BRDT: variants seen among roughly 807,000 people sequenced by gnomAD.
BRDT encodes the protein bromodomain testis associated, also known as bromodomain testis-specific protein.
Under a neutral mutation model 113.9 loss-of-function variants are expected in BRDT, and 77 were observed. That is an observed-to-expected ratio of 0.68 (90% confidence interval 0.56 to 0.82). The LOEUF (loss-of-function observed/expected upper bound fraction) is 0.82. BRDT is among the 40% of genes least tolerant of loss of function. The pLI, the probability that BRDT is intolerant of heterozygous loss-of-function variation, is 0.00. For synonymous variants in BRDT, 358 were observed against 366.5 expected, an observed-to-expected ratio of 0.98 and a Z score of 0.26; for missense variants, 1,027 against 1,105.4, an observed-to-expected ratio of 0.93 and a Z score of 1.01.
chr1:91,970,918 A>G (rs1190158876), intron 4 of BRDT, among the ~76,000 whole-genome samples: 1 of 151,868 alleles, frequency 6.6e-6, no homozygotes, highest in Non-Finnish European at 1.5e-5. Flanking sequence ...CTCAAAAAAA[A>G]AAAAAAAAAA....
intron 6 of BRDT, 86 bp downstream of exon 6, chr1:91,977,479 A>G: frequency 8.7e-7 from 1 of 1,152,914 alleles, no homozygotes; most frequent in African/African-American, 1.6e-5. Flanking sequence ...AATCTAGAAA[A>G]AGATGAAGGA....
intron 12 of BRDT, among the ~76,000 whole-genome samples, chr1:91,985,396 T>C (rs997302427): frequency 9.9e-5 from 15 of 151,902 alleles, no homozygotes; most frequent in African/African-American, 3.6e-4. Flanking sequence ...GGTTTCATCA[T>C]GATGGCTAGG....
At chr1:92,009,460 G>A (rs1570658507) in intron 18 of BRDT, among the ~76,000 whole-genome samples, 1 of 151,418 alleles carries the variant, frequency 6.6e-6, no homozygotes, top group African/African-American at 2.4e-5. Context: ...CTTACCTATT[G>A]AAGGACATCT....
intron 18 of BRDT, 112 bp downstream of exon 18, chr1:92,005,411 C>A: frequency 1.0e-6 from 1 of 987,120 alleles, no homozygotes; most frequent in Non-Finnish European, 1.4e-6. Context: ...TGACAGTGGA[C>A]TTACCTCTTT....
intron 16 of BRDT, among the ~76,000 whole-genome samples, chr1:92,002,471 C>T (rs1430811863): frequency 1.3e-5 from 2 of 152,132 alleles, no homozygotes; most frequent in Non-Finnish European, 2.9e-5. Context: ...TCAAGCGATT[C>T]TCATGCCTCA....
chr1:91,955,797 CAG>C (rs1336568826), intron 1 of BRDT, among the ~76,000 whole-genome samples: 5 of 111,886 alleles, frequency 4.5e-5, no homozygotes, highest in East Asian at 2.9e-4. Flanking sequence ...CCAAGAAATG[CAG>C]AGAGTTCACC....
intron 4 of BRDT, among the ~76,000 whole-genome samples, chr1:91,969,695 T>C (rs1040150092): frequency 6.6e-6 from 1 of 152,118 alleles, no homozygotes; most frequent in Admixed American, 6.6e-5. Context: ...AAGGTAAAAA[T>C]TATTGATCTT....
chr1:91,972,096 T>C (rs1179020168), intron 4 of BRDT, among the ~76,000 whole-genome samples: 1 of 152,106 alleles, frequency 6.6e-6, no homozygotes, highest in Non-Finnish European at 1.5e-5. Context: ...CAAAAACCTT[T>C]TGTCAGTCAG....
intron 18 of BRDT, among the ~76,000 whole-genome samples, chr1:92,008,828 G>A (rs979106646): frequency 2.0e-4 from 31 of 151,978 alleles, no homozygotes; most frequent in African/African-American, 7.0e-4. Context: ...TCTTTCTATG[G>A]CTTGATAGCT....
At chr1:91,982,234 A>C (rs995233240) in intron 12 of BRDT, among the ~76,000 whole-genome samples, 3 of 151,498 alleles carry the variant, frequency 2.0e-5, no homozygotes, top group Admixed American at 2.0e-4. Context: ...TGTGAATCAG[A>C]TTTTTTTTTC....
intron 1 of BRDT, chr1:91,950,563 C>T (rs1467855372): frequency 6.6e-6 from 1 of 151,554 alleles, no homozygotes; most frequent in Non-Finnish European, 1.5e-5. Flanking sequence ...GATAACTCGT[C>T]TTGATCTTGA....
At chr1:91,952,365 C>G (rs1327350498) in intron 1 of BRDT, 1 of 152,224 alleles carries the variant, frequency 6.6e-6, no homozygotes, top group Admixed American at 6.6e-5. Flanking sequence ...GCCACAGGAT[C>G]ATGCTGAAGG....
chr1:91,960,330 G>T (rs1010466253), intron 1 of BRDT, among the ~76,000 whole-genome samples: 1 of 152,170 alleles, frequency 6.6e-6, no homozygotes, highest in African/African-American at 2.4e-5. Context: ...TAAAGAAAAT[G>T]ATAGACATAC....
intron 15 of BRDT, among the ~76,000 whole-genome samples, chr1:91,996,251 A>T (rs932695658): frequency 2.0e-5 from 3 of 151,954 alleles, no homozygotes; most frequent in African/African-American, 7.3e-5. Flanking sequence ...ATTTTATTTT[A>T]TTTATTTATT....
intron 4 of BRDT, among the ~76,000 whole-genome samples, chr1:91,970,855 G>A (rs1683555095): frequency 6.8e-6 from 1 of 146,712 alleles, no homozygotes; most frequent in Non-Finnish European, 1.5e-5. Flanking sequence ...GGTGCAGTGA[G>A]CCATGATCAC....
chr1:91,996,041 T>C (rs1686298371), intron 15 of BRDT, among the ~76,000 whole-genome samples: 1 of 152,142 alleles, frequency 6.6e-6, no homozygotes, highest in African/African-American at 2.4e-5. Flanking sequence ...ATATCCAAAG[T>C]ATGAAATATT....
intron 4 of BRDT, among the ~76,000 whole-genome samples, chr1:91,970,603 A>G (rs1683529154): frequency 2.6e-5 from 4 of 152,162 alleles, no homozygotes; most frequent in African/African-American, 2.4e-5. Context: ...GTGCTAGTAC[A>G]TTTTGCATTG....
intron 12 of BRDT, among the ~76,000 whole-genome samples, chr1:91,987,334 G>A (rs1030906361): frequency 4.0e-5 from 6 of 151,550 alleles, no homozygotes; most frequent in Admixed American, 1.3e-4. Context: ...CTGTTTTTTT[G>A]TTTTGTTTTG....
intron 18 of BRDT, among the ~76,000 whole-genome samples, chr1:92,010,267 ATTTTTTT>A (rs373305680): frequency 2.0e-5 from 2 of 101,046 alleles, no homozygotes; most frequent in South Asian, 3.4e-4. Context: ...TGCTCTTTTA[ATTTTTTT>A]TTTTTTTTTT....
Sources: allele counts gnomAD v4.1 joint callset (sites outside exome capture counted in the v4.1 genomes callset), GRCh38; gene constraint gnomAD v4.1.1; transcripts MANE v1.5; gene names NCBI Gene and HGNC (gene_info 2026-07-23, HGNC 2026-07-21).